ANKS1A: variants seen among roughly 807,000 people sequenced by gnomAD.
ANKS1A encodes the protein ankyrin repeat and SAM domain-containing protein 1A.
Under a neutral mutation model 120.3 loss-of-function variants are expected in ANKS1A, and 55 were observed. The observed-to-expected ratio is 0.46, with a 90% CI of 0.37 to 0.57. ANKS1A has a LOEUF of 0.57. Among genes scored for constraint, ANKS1A ranks in the 20% least tolerant of loss-of-function variants. The pLI is 0.00. For synonymous variants in ANKS1A, 590 were observed against 604.7 expected (o/e 0.98, Z 0.36); for missense variants, 1,123 against 1,480.3 (o/e 0.76, Z 3.96).
intron 1 of ANKS1A, among the ~76,000 whole-genome samples, chr6:34,931,722 T>C (rs1252152973): frequency 6.6e-6 from 1 of 152,184 alleles, no homozygotes; most frequent in Admixed American, 6.5e-5. Context: ...TAGCACTCTT[T>C]CCTTCATGGA....
At chr6:34,979,180 C>T (rs1455977883) in intron 3 of ANKS1A, among the ~76,000 whole-genome samples, 1 of 152,160 alleles carries the variant, frequency 6.6e-6, no homozygotes, top group Non-Finnish European at 1.5e-5. Context: ...CAGGCATGAG[C>T]CACCGTGCCC....
Position 35,082,724 on chromosome 6 carries a change from C to G in ANKS1A, c.2743C>G (p.Pro915Ala). Reference protein sequence around the residue: ...EHREAKLTLRPPSLAAPYAPV... With the variant: ...EHREAKLTLRAPSLAAPYAPV... ...CCGTGAGGCCAAGCTGACCCTGCGGCCCCCGAGCCTGGCAGCCCCCTACGC... is the reference window on the plus strand; with the variant it reads ...CCGTGAGGCCAAGCTGACCCTGCGGGCCCCGAGCCTGGCAGCCCCCTACGC... The change falls in exon 18 of 24, where the codon CCC becomes GCC. Residue 915 changes from proline (P) to alanine (A), a missense_variant. Physicochemically the swap from Pro to Ala is conservative, Grantham distance 27 (BLOSUM62 -1). Around this residue, in one of 3 missense-constraint regions of ANKS1A, gnomAD observed 904 missense variants for 1,130.4 expected, o/e 0.80. Coordinates refer to ENST00000360359, the MANE Select transcript of ANKS1A (RefSeq NM_015245.3). This position sits in a 1 kb window ranked among gnomAD's most constrained non-coding sequence, Gnocchi z 4.1. 6.2e-7 allele frequency: 1 copy of G among 1,612,812 alleles called. No individual in the cohort carries two copies. Among genetic ancestry groups the G allele is most frequent in the Non-Finnish European group, 8.5e-7 (1 of 1,179,410 alleles).
chr6:34,966,899 A>G (rs1309276864), intron 1 of ANKS1A, among the ~76,000 whole-genome samples: 1 of 152,158 alleles, frequency 6.6e-6, no homozygotes, highest in Admixed American at 6.5e-5. Context: ...CAGGAGTGAG[A>G]GGTCAATACC....
intron 9 of ANKS1A, among the ~76,000 whole-genome samples, chr6:34,994,028 G>T (rs1334328806): frequency 6.6e-6 from 1 of 152,094 alleles, no homozygotes; most frequent in African/African-American, 2.4e-5. Context: ...CTGGAGTTCT[G>T]TGGCACAATC....
At chr6:34,932,529 C>T (rs968427705) in intron 1 of ANKS1A, among the ~76,000 whole-genome samples, 9 of 151,998 alleles carry the variant, frequency 5.9e-5, no homozygotes, top group African/African-American at 1.2e-4. Flanking sequence ...GGATTACAAG[C>T]GTGCATCACC....
chr6:35,048,860 C>T (rs1249704831), intron 11 of ANKS1A, among the ~76,000 whole-genome samples: 1 of 152,172 alleles, frequency 6.6e-6, no homozygotes, highest in South Asian at 2.1e-4. Flanking sequence ...GCGGCTCAGT[C>T]GCTCAGCCCC....
intron 13 of ANKS1A, among the ~76,000 whole-genome samples, chr6:35,073,568 C>T (rs187815379): frequency 2.0e-5 from 3 of 152,284 alleles, no homozygotes; most frequent in East Asian, 1.9e-4. Context: ...CAGGCCAGGC[C>T]GGAAGACTAG....
intron 13 of ANKS1A, among the ~76,000 whole-genome samples, chr6:35,064,939 T>A (rs1462723870): frequency 6.6e-6 from 1 of 152,236 alleles, no homozygotes; most frequent in African/African-American, 2.4e-5. Flanking sequence ...CTTAGACAAG[T>A]GTGGATCCAG....
In ANKS1A at chr6:34,989,261, A is replaced by C. The variant is rs764616410; in HGVS notation, c.1247A>C (p.Asp416Ala). 4.3e-6 allele frequency: 7 copies of C among 1,613,986 alleles called. No individual in the cohort carries two copies. The South Asian group carries it at 7.7e-5, about 18-fold the overall frequency. ...RPPPPAKPPPDEEEEDHIDKK... is the reference protein window; with the variant it reads ...RPPPPAKPPPAEEEEDHIDKK... ...CCACCTCCAGCAAAGCCACCGCCCGATGAAGAGGAAGAAGACCACATAGAT... is the reference window on the plus strand; with the variant it reads ...CCACCTCCAGCAAAGCCACCGCCCGCTGAAGAGGAAGAAGACCACATAGAT... Residue 416 changes from aspartate (D) to alanine (A), a missense_variant, in exon 9 of 24, where the codon GAT becomes GCT. Asp to Ala is a moderately radical substitution (Grantham distance 126). This residue lies in a region of ANKS1A where 904 missense variants were observed against 1,130.4 expected (regional missense o/e 0.80). Transcript: ENST00000360359.
intron 13 of ANKS1A, among the ~76,000 whole-genome samples, chr6:35,071,686 C>T (rs1351679744): frequency 6.6e-6 from 1 of 152,200 alleles, no homozygotes; most frequent in Non-Finnish European, 1.5e-5. Flanking sequence ...AGAGCCACAC[C>T]CCCTGAGCTG....
chr6:35,051,726 C>T (rs1249253584), intron 11 of ANKS1A, among the ~76,000 whole-genome samples: 1 of 152,286 alleles, frequency 6.6e-6, no homozygotes, highest in Non-Finnish European at 1.5e-5. Flanking sequence ...GGAGAGGCAA[C>T]TGGGAGATGG....
Position 35,090,263 on chromosome 6 carries a change from G to C in ANKS1A, c.*1654G>C, listed in dbSNP as rs1490143321. ...GATGCCCATGAGCTACCGCTGTACA[G>C]TTCTCGGCCCCGGCTTTCTTCCAAG... On this transcript the variant is annotated 3_prime_UTR_variant, in exon 24 of 24. Transcript: ENST00000360359. The C allele has an allele frequency of 8.5e-6, 11 of 1,289,696 alleles. No homozygotes were observed. The highest frequency in any genetic ancestry group is 1.5e-5 in the African/African-American group (1 of 65,976). The allele number at this position is 1,289,696 out of a possible 1,614,324, so 79.9% of individuals were successfully genotyped here.
At position 35,056,576 on chromosome 6, in the gene ANKS1A, C is replaced by T. The variant is rs183802424; in HGVS notation, c.2077+2411C>T. Among the ~76,000 whole-genome samples, 633 of 152,332 alleles carry T rather than the reference C, an allele frequency of 4.2e-3. 4 individuals carry two copies. The highest frequency in any genetic ancestry group is 0.01 in the Middle Eastern group (3 of 292). On this transcript the variant is annotated intron_variant, in intron 12 of 23. Coordinates refer to ENST00000360359, the MANE Select transcript of ANKS1A (RefSeq NM_015245.3). The stretch of plus-strand genomic sequence containing the variant: ...GTGCTGGGATTACAGGCGTGAGCCA[C>T]GATGCCTGGCCCCACCTACCAGTTT...
chr6:34,894,723 T>C (rs1766988631), intron 1 of ANKS1A, among the ~76,000 whole-genome samples: 1 of 152,112 alleles, frequency 6.6e-6, no homozygotes, highest in South Asian at 2.1e-4. Context: ...TAAATTGAGT[T>C]ATGAACTAAA....
intron 11 of ANKS1A, among the ~76,000 whole-genome samples, chr6:35,024,983 T>G (rs1774540162): frequency 6.6e-6 from 1 of 152,166 alleles, no homozygotes; most frequent in Non-Finnish European, 1.5e-5. Context: ...CCTCCCGCCC[T>G]GAACAAGAAT....
chr6:35,055,405 T>C (rs820092), intron 12 of ANKS1A, among the ~76,000 whole-genome samples: 61,497 of 151,648 alleles, frequency 0.41, 12,829 homozygotes, highest in East Asian at 0.61. Flanking sequence ...TCTTGGCTCA[T>C]TGTAACCTCC....
intron 1 of ANKS1A, among the ~76,000 whole-genome samples, chr6:34,915,953 G>A (rs1768134221): frequency 6.9e-6 from 1 of 145,568 alleles, no homozygotes; most frequent in Non-Finnish European, 1.5e-5. Flanking sequence ...AGCCTCTGAA[G>A]AATTTGGAGG....
intron 1 of ANKS1A, among the ~76,000 whole-genome samples, chr6:34,890,564 G>T (rs559862432): frequency 2.6e-5 from 4 of 152,176 alleles, no homozygotes; most frequent in African/African-American, 9.7e-5. Context: ...AGAAATAAAG[G>T]CAGAGAGACT....
chr6:34,922,385 A>C (rs1325482622), intron 1 of ANKS1A, among the ~76,000 whole-genome samples: 1 of 152,156 alleles, frequency 6.6e-6, no homozygotes, highest in Non-Finnish European at 1.5e-5. Context: ...CAAGTACTAC[A>C]TTGTACTGTC....
Sources: allele counts gnomAD v4.1 joint callset (sites outside exome capture counted in the v4.1 genomes callset), GRCh38; gene constraint gnomAD v4.1.1; regional missense constraint gnomAD v4.1.1; non-coding constraint Gnocchi (gnomAD v3.1); transcripts MANE v1.5; gene names NCBI Gene and HGNC (gene_info 2026-07-23, HGNC 2026-07-21).